Variants in ANK1 observed in about 807,000 individuals in gnomAD.
The protein encoded by ANK1 is ankyrin 1.
In ANK1, 51 loss-of-function variants were observed where a neutral mutation model predicts 210.4. The ratio of observed to expected loss-of-function variants is 0.24; its 90% CI spans 0.19 to 0.31. ANK1 has a LOEUF of 0.31. ANK1 is among the 10% of genes least tolerant of loss of function. The probability of loss-of-function intolerance (pLI) is 1.00; values close to 1 mark genes in which losing one functional copy is unlikely to be tolerated. For synonymous variants in ANK1, 967 were observed against 1,025.9 expected, an observed-to-expected ratio of 0.94 and a Z score of 1.10; for missense variants, 2,051 against 2,504.4, an observed-to-expected ratio of 0.82 and a Z score of 3.86.
At chr8:41,864,556 C>G (rs964443394) in intron 1 of ANK1, among the ~76,000 whole-genome samples, 1 of 152,196 alleles carries the variant, frequency 6.6e-6, no homozygotes, top group Non-Finnish European at 1.5e-5. Context: ...AATTTACTGA[C>G]TGGTAACCAA....
At chr8:41,793,146 G>T (rs1848081907) in intron 1 of ANK1, among the ~76,000 whole-genome samples, 1 of 152,224 alleles carries the variant, frequency 6.6e-6, no homozygotes, top group Admixed American at 6.5e-5. Context: ...AGAGGCCAAG[G>T]AGGGAAGCTC....
chr8:41,731,709 C>T (rs1205875175), intron 3 of ANK1, among the ~76,000 whole-genome samples: 4 of 151,966 alleles, frequency 2.6e-5, no homozygotes, highest in Non-Finnish European at 5.9e-5. Context: ...ATTCCAAAGC[C>T]ACGTTGGCTT....
At chr8:41,863,554 T>G (rs1340449328) in intron 1 of ANK1, among the ~76,000 whole-genome samples, 8 of 152,206 alleles carry the variant, frequency 5.3e-5, no homozygotes, top group African/African-American at 1.7e-4. Context: ...CTGGCTAAAA[T>G]GAAGCCATAT....
chr8:41,725,192 C>G (rs888691012), intron 6 of ANK1, among the ~76,000 whole-genome samples: 1 of 152,210 alleles, frequency 6.6e-6, no homozygotes, highest in African/African-American at 2.4e-5. Flanking sequence ...CCAGACAAAA[C>G]CCGGTGGATC....
chr8:41,791,200 T>TG (rs1195098912), intron 1 of ANK1, among the ~76,000 whole-genome samples: 1 of 132,744 alleles, frequency 7.5e-6, no homozygotes, highest in East Asian at 2.1e-4. Context: ...CTTTGTTTTT[T>TG]TTTTTTTTTT....
chr8:41,677,614 G>A (rs1310482238), intron 37 of ANK1, among the ~76,000 whole-genome samples: 1 of 150,148 alleles, frequency 6.7e-6, no homozygotes, highest in Non-Finnish European at 1.5e-5. Flanking sequence ...TTTGAGACAG[G>A]ATTTCACTCC....
rs778450388 is a variant in ANK1, at chr8:41,661,476, C to T, written c.5633G>A (p.Gly1878Glu). The T allele has an allele frequency of 4.3e-6, 7 of 1,614,074 alleles. No homozygotes were observed. Among genetic ancestry groups the T allele is most frequent in the Middle Eastern group, 1.6e-4 (1 of 6,062 alleles). The change falls in exon 42 of 43, where the codon GGG becomes GAG. Residue 1878 changes from glycine to glutamate, a missense_variant. Gly to Glu is a moderately conservative substitution (Grantham distance 98). This residue lies in a region of ANK1 where 496 missense variants were observed against 533.4 expected (regional missense o/e 0.93). Coordinates refer to ENST00000289734, the MANE Select transcript of ANK1 (RefSeq NM_000037.4). ...QIVKRASLKR[G>E]KQ ...GAGAGCGGCTCGGGGTCACTGTTTC[C>T]CCCTTTTCAGGCTGGCCCGCTTCAC...
chr8:41,723,454 C>G, intron 8 of ANK1, 81 bp downstream of exon 8: 2 of 1,529,626 alleles, frequency 1.3e-6, no homozygotes, highest in South Asian at 1.1e-5. Flanking sequence ...ACTAGGTCAC[C>G]AAGGGCCCGC....
At chr8:41,830,715 A>AC in intron 1 of ANK1, among the ~76,000 whole-genome samples, 1 of 152,176 alleles carries the variant, frequency 6.6e-6, no homozygotes, top group Non-Finnish European at 1.5e-5. Flanking sequence ...AACAGCTCCT[A>AC]CCTACCCAGT....
intron 3 of ANK1, among the ~76,000 whole-genome samples, chr8:41,732,285 A>G (rs1832366393): frequency 6.6e-6 from 1 of 152,224 alleles, no homozygotes; most frequent in African/African-American, 2.4e-5. Flanking sequence ...CAAAAGGAAA[A>G]TAAGAGGCTA....
intron 40 of ANK1, among the ~76,000 whole-genome samples, chr8:41,662,738 C>T (rs936265066): frequency 1.3e-5 from 2 of 152,118 alleles, no homozygotes; most frequent in African/African-American, 2.4e-5. Flanking sequence ...GCAAGACAGA[C>T]GCACAAGGAG....
At chr8:41,858,566 C>G (rs998931836) in intron 1 of ANK1, among the ~76,000 whole-genome samples, 1 of 152,200 alleles carries the variant, frequency 6.6e-6, no homozygotes, top group East Asian at 1.9e-4. Context: ...GCCAAGGGAA[C>G]TGCTCGGACG....
At chr8:41,662,038 T>C in intron 40 of ANK1, 97 bp from the exon 41 acceptor site, 3 of 1,469,978 alleles carry the variant, frequency 2.0e-6, no homozygotes, top group Admixed American at 1.8e-5. Flanking sequence ...GTGCAGATCA[T>C]CTGAGGTCAG....
intron 39 of ANK1, chr8:41,664,733 A>C (rs1386550340): frequency 2.8e-6 from 4 of 1,448,332 alleles, no homozygotes; most frequent in Non-Finnish European, 3.7e-6. Context: ...AGCTCCCCAC[A>C]GCAGCGTCCC....
At chr8:41,851,029 C>G (rs570973742) in intron 1 of ANK1, among the ~76,000 whole-genome samples, 1 of 152,168 alleles carries the variant, frequency 6.6e-6, no homozygotes, top group Non-Finnish European at 1.5e-5. Flanking sequence ...AAAGAAGGCA[C>G]CTCCCCAGAA....
In ANK1 at chr8:41,725,809, C is replaced by G. The variant is rs199689575; in HGVS notation, c.564G>C (p.Thr188=). The change falls in exon 6 of 43, where the codon ACG becomes ACC. Residue 188 remains threonine (T), a synonymous_variant. Transcript: ENST00000289734. ...HIAARNDDTR[T]AAVLLQNDPN... Reference sequence around the variant, plus strand: ...GGTCGTTCTGCAGCAGCACCGCAGCCGTGCGCGTGTCGTCGTTGCGGGCCG... The same window carrying G: ...GGTCGTTCTGCAGCAGCACCGCAGCGGTGCGCGTGTCGTCGTTGCGGGCCG... 1.9e-6 allele frequency: 3 copies of G among 1,611,988 alleles called. No individual in the cohort carries two copies. The highest frequency in any genetic ancestry group is 2.7e-5 in the African/African-American group (2 of 75,030).
chr8:41,692,213 T>C (rs1016537952), intron 31 of ANK1, among the ~76,000 whole-genome samples: 8 of 152,150 alleles, frequency 5.3e-5, no homozygotes, highest in Non-Finnish European at 1.0e-4. Flanking sequence ...CGTGCCATCA[T>C]GCCCGGCTAA....
intron 13 of ANK1, among the ~76,000 whole-genome samples, chr8:41,716,176 T>C (rs547430381): frequency 1.3e-5 from 2 of 152,256 alleles, no homozygotes; most frequent in South Asian, 2.1e-4. Flanking sequence ...ATAATGTACA[T>C]GGTTTCTGCG....
chr8:41,686,649 C>G (rs1412368310), intron 35 of ANK1, among the ~76,000 whole-genome samples: 1 of 152,194 alleles, frequency 6.6e-6, no homozygotes, highest in African/African-American at 2.4e-5. Flanking sequence ...AGTCCCTGAG[C>G]CAGGAGGCAG....
Sources: allele counts gnomAD v4.1 joint callset (sites outside exome capture counted in the v4.1 genomes callset), GRCh38; gene constraint gnomAD v4.1.1; regional missense constraint gnomAD v4.1.1; transcripts MANE v1.5; gene names NCBI Gene and HGNC (gene_info 2026-07-23, HGNC 2026-07-21).